The following RGS9 variants were observed in gnomAD, a reference collection of about 807,000 sequenced individuals.
RGS9 encodes the protein regulator of G-protein signalling 9.
In RGS9, 78 loss-of-function variants were observed where a neutral mutation model predicts 102.0. That is an observed-to-expected ratio of 0.76 (90% CI 0.64 to 0.92). The LOEUF is 0.92. Ranked by LOEUF, RGS9 falls within the 40% of genes least tolerant of loss-of-function variation. The probability of loss-of-function intolerance (pLI) is 0.00; values close to 1 mark genes in which losing one functional copy is unlikely to be tolerated. For missense variants in RGS9, 833 were observed against 866.1 expected (o/e 0.96, Z 0.48); for synonymous variants, 353 against 318.6 (o/e 1.11, Z -1.15).
At chr17:65,165,185 C>G (rs1911130687) in intron 7 of RGS9, among the ~76,000 whole-genome samples, 1 of 152,102 alleles carries the variant, frequency 6.6e-6, no homozygotes, top group Admixed American at 6.6e-5. Context: ...CTGACATCTG[C>G]TTTCTTGGGC....
At chr17:65,138,503 C>T (rs1003596188) in intron 1 of RGS9, among the ~76,000 whole-genome samples, 4 of 152,096 alleles carry the variant, frequency 2.6e-5, no homozygotes, top group Non-Finnish European at 4.4e-5. Context: ...ACTTTCAATG[C>T]TAAAACCTGG....
chr17:65,204,028 A>T, intron 14 of RGS9, 135 bp from the exon 15 acceptor site: 2 of 927,202 alleles, frequency 2.2e-6, no homozygotes, highest in Non-Finnish European at 3.4e-6. Context: ...CATGCTCTTT[A>T]GTGTCTCCTA....
At chr17:65,171,862 A>G (rs1012886738) in intron 8 of RGS9, among the ~76,000 whole-genome samples, 2 of 152,228 alleles carry the variant, frequency 1.3e-5, no homozygotes, top group Admixed American at 6.5e-5. Context: ...AAAGGGAGAA[A>G]GTGCTCCCTT....
chr17:65,201,466 G>A (rs1912841655), intron 13 of RGS9, among the ~76,000 whole-genome samples: 1 of 152,180 alleles, frequency 6.6e-6, no homozygotes, highest in Non-Finnish European at 1.5e-5. Context: ...GCCAAACAAA[G>A]GAGGAAGAAC....
At position 65,140,214 on chromosome 17, in the gene RGS9, CA is replaced by C. The variant is rs1910105647; in HGVS notation, c.57+2619del. Among the ~76,000 whole-genome samples, 5 of 152,290 alleles carry C rather than the reference CA, an allele frequency of 3.3e-5. No homozygotes were observed. The South Asian group carries it at 1.0e-3, about 32-fold the overall frequency. ...TCGTTGTCTGTCACAAGTTGTGGTG[CA>C]ATGCCCTGAGCTTTCCCATGACGTA... On this transcript the variant is annotated intron_variant, in intron 1 of 18. Transcript: ENST00000262406.
intron 1 of RGS9, among the ~76,000 whole-genome samples, chr17:65,143,401 G>T (rs1910231760): frequency 6.6e-6 from 1 of 152,170 alleles, no homozygotes; most frequent in African/African-American, 2.4e-5. Flanking sequence ...ACGGAGGCAG[G>T]ATTGAGTGGG....
At chr17:65,201,545 C>T (rs565509815) in intron 13 of RGS9, among the ~76,000 whole-genome samples, 2 of 152,316 alleles carry the variant, frequency 1.3e-5, no homozygotes, top group African/African-American at 4.8e-5. Context: ...CGTAGCAACG[C>T]ATGTATAGAA....
chr17:65,221,623 C>G (rs1913708668), intron 17 of RGS9, among the ~76,000 whole-genome samples: 1 of 152,184 alleles, frequency 6.6e-6, no homozygotes, highest in African/African-American at 2.4e-5. Context: ...AGACATTTGG[C>G]TGATGTCTTG....
chr17:65,214,938 C>A (rs1280241939), intron 17 of RGS9, among the ~76,000 whole-genome samples: 1 of 152,218 alleles, frequency 6.6e-6, no homozygotes, highest in African/African-American at 2.4e-5. Flanking sequence ...TCTGCTCATA[C>A]CTCTGTCTGT....
chr17:65,138,976 C>CGGCATCCCCTCCTACATCCT (rs745512381), intron 1 of RGS9, among the ~76,000 whole-genome samples: 15,408 of 86,512 alleles, frequency 0.18, 2,924 homozygotes, highest in Middle Eastern at 0.34. Flanking sequence ...TCCTCCACCC[C>CGGCATCCCCTCCTACATCCT]AGCATCCCCT....
chr17:65,184,441 A>G (rs1216250649), intron 9 of RGS9, among the ~76,000 whole-genome samples: 4 of 152,166 alleles, frequency 2.6e-5, no homozygotes, highest in Non-Finnish European at 5.9e-5. Flanking sequence ...GTGGTGTAGT[A>G]GCCCTAATGA....
chr17:65,164,886 A>G (rs60480413), intron 7 of RGS9, among the ~76,000 whole-genome samples: 18,039 of 152,188 alleles, frequency 0.12, 2,150 homozygotes, highest in East Asian at 0.51. Flanking sequence ...AATACTTACC[A>G]TAGTAATTAT....
At chr17:65,220,610 A>G (rs1913673286) in intron 17 of RGS9, among the ~76,000 whole-genome samples, 2 of 152,182 alleles carry the variant, frequency 1.3e-5, no homozygotes, top group Non-Finnish European at 2.9e-5. Context: ...GCACTGGAAG[A>G]GGGGACTTTG....
At chr17:65,178,372 G>C (rs1911726457) in intron 9 of RGS9, among the ~76,000 whole-genome samples, 1 of 151,942 alleles carries the variant, frequency 6.6e-6, no homozygotes, top group South Asian at 2.1e-4. Flanking sequence ...CTTTCATGAT[G>C]GATAGCCAAT....
chr17:65,194,061 C>T (rs1912487254), intron 12 of RGS9, among the ~76,000 whole-genome samples: 1 of 152,128 alleles, frequency 6.6e-6, no homozygotes, highest in African/African-American at 2.4e-5. Context: ...GTCACTAAAT[C>T]GATACAGGAA....
intron 9 of RGS9, among the ~76,000 whole-genome samples, chr17:65,179,761 G>A (rs1460538642): frequency 6.6e-6 from 1 of 151,850 alleles, no homozygotes; most frequent in Non-Finnish European, 1.5e-5. Context: ...TCCTGGGGGT[G>A]ACTTCTGAGG....
At chr17:65,150,067 G>T (rs1307278572) in intron 1 of RGS9, among the ~76,000 whole-genome samples, 1 of 152,210 alleles carries the variant, frequency 6.6e-6, no homozygotes, top group Non-Finnish European at 1.5e-5. Context: ...CAGGTAAATG[G>T]ATGAGATGTT....
intron 1 of RGS9, among the ~76,000 whole-genome samples, chr17:65,152,167 A>G (rs1910603248): frequency 6.6e-6 from 1 of 152,180 alleles, no homozygotes; most frequent in South Asian, 2.1e-4. Flanking sequence ...AAGGGGAAGA[A>G]GGTGAGGAGG....
At chr17:65,211,029 C>G (rs536520030) in intron 17 of RGS9, among the ~76,000 whole-genome samples, 48 of 152,168 alleles carry the variant, frequency 3.2e-4, no homozygotes, top group Non-Finnish European at 5.6e-4. Flanking sequence ...ACACAAAGCT[C>G]TCACTGAGAG....
Sources: gnomAD v4.1 joint callset for allele counts (sites outside exome capture counted in the v4.1 genomes callset) on GRCh38, gnomAD v4.1.1 for gene constraint, MANE v1.5 for transcripts, NCBI Gene and HGNC (gene_info 2026-07-23, HGNC 2026-07-21) for gene names.